Variants in TARM1 observed in about 807,000 individuals in gnomAD.
TARM1 encodes T-cell-interacting, activating receptor on myeloid cells protein 1.
In TARM1, 24 loss-of-function variants were observed where a neutral mutation model predicts 30.4. The observed-to-expected ratio is 0.79, with a 90% confidence interval of 0.57 to 1.11. The LOEUF (loss-of-function observed/expected upper bound fraction) is 1.11, where lower values mean the gene tolerates loss of function less well. TARM1 is among the 50% of genes least tolerant of loss of function. TARM1 has a pLI of 0.00. For synonymous variants in TARM1, 129 were observed against 138.9 expected, an observed-to-expected ratio of 0.93 and a Z score of 0.50; for missense variants, 323 against 332.8, an observed-to-expected ratio of 0.97 and a Z score of 0.23.
intron 1 of TARM1, among the ~76,000 whole-genome samples, chr19:54,078,178 C>CTTTTTTTTTTTTTTTTTTTTT (rs869101071): frequency 1.5e-5 from 1 of 67,806 alleles, no homozygotes; most frequent in Non-Finnish European, 2.6e-5. Context: ...TTCTTTCTTT[C>CTTTTTTTTTTTTTTTTTTTTT]TTTTTTTTTT....
At chr19:54,078,235 G>C (rs2072010073) in intron 1 of TARM1, among the ~76,000 whole-genome samples, 1 of 134,014 alleles carries the variant, frequency 7.5e-6, no homozygotes, top group Non-Finnish European at 1.5e-5. Context: ...GCCCAGGCTG[G>C]AGTGCAATGA....
At position 54,072,208 on chromosome 19, in the gene TARM1, A is replaced by C. The variant is rs587606243; in HGVS notation, c.658+1712T>G. ...CGTCTCAAACAAACAAACAAACAAAAAAACTCTGGTCTCCCACTTACCTGG... is the reference window on the plus strand; with the variant it reads ...CGTCTCAAACAAACAAACAAACAAACAAACTCTGGTCTCCCACTTACCTGG... On this transcript the variant is annotated intron_variant, in intron 4 of 4. Transcript: ENST00000432826. Among the ~76,000 whole-genome samples, 8 of 152,164 alleles carry C rather than the reference A, an allele frequency of 5.3e-5. No homozygotes were observed. The South Asian group carries it at 1.2e-3, about 24-fold the overall frequency.
rs1312334172 is a variant in TARM1, at chr19:54,074,919, A to G, written c.266T>C (p.Val89Ala). 1 of 1,551,538 alleles carries G rather than the reference A, an allele frequency of 6.4e-7. No homozygotes were observed. Among genetic ancestry groups the G allele is most frequent in the South Asian group, 1.2e-5 (1 of 84,052 alleles). Residue 89 changes from valine to alanine, a missense_variant, in exon 3 of 5, where the codon GTC becomes GCC. Physicochemically the swap from Val to Ala is moderately conservative, Grantham distance 64. Transcript: ENST00000432826. ...AAEFHLNNLKVRNAGEYTCEY... is the reference protein window; with the variant it reads ...AAEFHLNNLKARNAGEYTCEY... ...ACAGGTGTACTCTCCAGCATTTCTGACTTTTAGATTATTGAGGTGAAATTC... is the reference window on the plus strand; with the variant it reads ...ACAGGTGTACTCTCCAGCATTTCTGGCTTTTAGATTATTGAGGTGAAATTC...
At chr19:54,080,500 A>G (rs1431478609) in intron 1 of TARM1, among the ~76,000 whole-genome samples, 2 of 42,378 alleles carry the variant, frequency 4.7e-5, no homozygotes, top group Non-Finnish European at 8.9e-5. Context: ...GGAAGGGAGG[A>G]AGGAAGGAAG....
intron 4 of TARM1, 110 bp from the exon 5 acceptor site, chr19:54,070,270 T>G (rs7250959): frequency 0.32 from 394,305 of 1,245,904 alleles, 54,449 homozygotes; most frequent in Admixed American, 0.34. Flanking sequence ...GGTTTTTTGG[T>G]TTTTTTTTTT....
In TARM1 at chr19:54,074,042, A is replaced by G. The variant is rs777849994; in HGVS notation, c.536T>C (p.Ile179Thr). The G allele has an allele frequency of 3.9e-6, 6 of 1,551,678 alleles. No individual in the cohort carries two copies. The highest frequency in any genetic ancestry group is 5.2e-6 in the Non-Finnish European group (6 of 1,146,984). Residue 179 changes from isoleucine to threonine, a missense_variant, in exon 4 of 5, where the codon ATA becomes ACA. Ile to Thr is a moderately conservative substitution (Grantham distance 89). Coordinates refer to ENST00000432826, the MANE Select transcript of TARM1 (RefSeq NM_001135686.3). The part of the protein sequence containing the change: ...IQLQSPAGKE[I>T]DFSLVDVTAG... ...TGTCACGTCCACCAGAGAGAAGTCTATCTCCTTCCCCGCTGGACTCTGCAG... is the reference window on the plus strand; with the variant it reads ...TGTCACGTCCACCAGAGAGAAGTCTGTCTCCTTCCCCGCTGGACTCTGCAG...
chr19:54,074,265 C>G (rs747077097), intron 3 of TARM1, 49 bp from the exon 4 acceptor site: 6 of 1,496,136 alleles, frequency 4.0e-6, no homozygotes, highest in Non-Finnish European at 4.5e-6. Context: ...TCTGGAATCC[C>G]CCACTCACCC....
At chr19:54,081,076 A>G (rs188604423) in intron 1 of TARM1, among the ~76,000 whole-genome samples, 1 of 152,300 alleles carries the variant, frequency 6.6e-6, no homozygotes, top group Non-Finnish European at 1.5e-5. Context: ...TAAGCCAATG[A>G]AGCCAGGTGG....
At chr19:54,075,591 G>A (rs587646372) in intron 2 of TARM1, among the ~76,000 whole-genome samples, 3 of 151,428 alleles carry the variant, frequency 2.0e-5, no homozygotes, top group South Asian at 4.2e-4. Context: ...TCATGAGATC[G>A]AGACCATCCT....
At chr19:54,080,357 C>G (rs1356624482) in intron 1 of TARM1, among the ~76,000 whole-genome samples, 1 of 149,500 alleles carries the variant, frequency 6.7e-6, no homozygotes, top group Admixed American at 6.7e-5. Flanking sequence ...ACTCGGGAGG[C>G]TGAGGCAGGA....
chr19:54,079,695 T>A (rs587622807), intron 1 of TARM1, among the ~76,000 whole-genome samples: 5 of 151,346 alleles, frequency 3.3e-5, no homozygotes, highest in Admixed American at 3.3e-4. Flanking sequence ...CTACAAAAAA[T>A]TTAAAAATTA....
rs1215926976 is a variant in TARM1, at chr19:54,080,136, G to C, written c.34+1171C>G. On this transcript the variant is annotated intron_variant, in intron 1 of 4. Coordinates refer to ENST00000432826, the MANE Select transcript of TARM1 (RefSeq NM_001135686.3). ...GGAAGGAAGGAAGGAAGGAAGGAAG[G>C]AAGAAAGCAAGCAAGCAAGCAAGCA... Among the ~76,000 whole-genome samples the C allele has an allele frequency of 6.6e-4, 42 of 63,778 alleles. 12 individuals are homozygous for C. The highest frequency in any genetic ancestry group is 6.1e-4 in the Non-Finnish European group (19 of 31,320). The allele number at this position is 63,778 out of a possible 152,430, so 41.8% of individuals were successfully genotyped here. A position where few individuals can be genotyped will look rare whatever the true frequency, so the allele number is the denominator to read the frequency against.
intron 1 of TARM1, among the ~76,000 whole-genome samples, chr19:54,077,546 G>C (rs2071987205): frequency 6.6e-6 from 1 of 151,970 alleles, no homozygotes; most frequent in African/African-American, 2.4e-5. Context: ...GTCTCAGCAG[G>C]AAAAAGGAGA....
chr19:54,075,219 C>A, intron 2 of TARM1, 105 bp from the exon 3 acceptor site: 1 of 1,006,652 alleles, frequency 9.9e-7, no homozygotes, highest in Non-Finnish European at 1.4e-6. Context: ...ATGGAGTCTC[C>A]CTCTGTTGCC....
intron 1 of TARM1, among the ~76,000 whole-genome samples, chr19:54,076,825 G>A (rs2071967651): frequency 6.6e-6 from 1 of 151,926 alleles, no homozygotes; most frequent in Non-Finnish European, 1.5e-5. Flanking sequence ...TCACAGGTGT[G>A]CACCACCACA....
intron 1 of TARM1, among the ~76,000 whole-genome samples, chr19:54,080,133 AAGGAAGAAAGCAAGCAAGCAAGCAAGC>A (rs2072074188): frequency 3.2e-5 from 2 of 63,146 alleles, no homozygotes; most frequent in Non-Finnish European, 6.9e-5. Context: ...GGAAGGAAGG[AAGGAAGAAAGCAAGCAAGCAAGCAAGC>A]AAGCAAGCAA....
At chr19:54,070,984 G>A (rs1460992061) in intron 4 of TARM1, among the ~76,000 whole-genome samples, 5 of 151,846 alleles carry the variant, frequency 3.3e-5, no homozygotes, top group African/African-American at 1.2e-4. Context: ...TTGAGACGAC[G>A]TCTCACTCTG....
At chr19:54,080,051 A>AAGGAAGG (rs2072059929) in intron 1 of TARM1, among the ~76,000 whole-genome samples, 1 of 139,352 alleles carries the variant, frequency 7.2e-6, no homozygotes, top group Non-Finnish European at 1.6e-5. Context: ...GAAGGAAGGG[A>AAGGAAGG]AAGAGAGAGA....
intron 1 of TARM1, chr19:54,076,326 T>TTTCC (rs2071952832): frequency 1.8e-6 from 1 of 561,624 alleles, no homozygotes. Context: ...CTTTCTTTCT[T>TTTCC]TTTCTTTCTT....
Sources: allele counts gnomAD v4.1 joint callset (sites outside exome capture counted in the v4.1 genomes callset), GRCh38; gene constraint gnomAD v4.1.1; transcripts MANE v1.5; gene names NCBI Gene and HGNC (gene_info 2026-07-23, HGNC 2026-07-21).